Variants in FRMPD2 observed in about 807,000 individuals in gnomAD.
FRMPD2 encodes FERM and PDZ domain-containing protein 2.
FRMPD2 carries 96 observed loss-of-function variants against 140.1 expected under a neutral mutation model. That is an observed-to-expected ratio of 0.69 (90% CI 0.58 to 0.81). FRMPD2 has a LOEUF of 0.81. Ranked by LOEUF, FRMPD2 falls within the 40% of genes least tolerant of loss-of-function variation. FRMPD2 has a pLI of 0.00. For missense variants in FRMPD2, 1,240 were observed against 1,447.4 expected, an observed-to-expected ratio of 0.86 and a Z score of 2.32; for synonymous variants, 449 against 547.6, an observed-to-expected ratio of 0.82 and a Z score of 2.52.
rs776093995 is a variant in FRMPD2, at chr10:48,192,806, G to C, written c.2043C>G (p.Cys681Trp). The C allele has an allele frequency of 1.1e-5, 17 of 1,614,124 alleles. 1 individual carries two copies. In the South Asian group the frequency reaches 1.8e-4, roughly 17 times the overall value. The change falls in exon 16 of 29, where the codon TGC becomes TGG. Residue 681 changes from cysteine to tryptophan, a missense_variant. Around this residue, in one of 6 missense-constraint regions of FRMPD2, gnomAD observed 1,161 missense variants for 1,055.9 expected, o/e 1.10. Coordinates refer to ENST00000374201, the MANE Select transcript of FRMPD2 (RefSeq NM_001018071.4). ...TGGATACAAACAACTCGTTTTCTGA[G>C]CATGACAATCTCTGAATCCAAATGA... ...KPLIWIQRLS[C>W]SENELFVSRL...
At chr10:48,193,223 C>T (rs1399810847) in intron 15 of FRMPD2, among the ~76,000 whole-genome samples, 3 of 152,184 alleles carry the variant, frequency 2.0e-5, no homozygotes, top group South Asian at 4.1e-4. Flanking sequence ...GAGCCTCCTG[C>T]GAAATCAGCT....
intron 1 of FRMPD2, among the ~76,000 whole-genome samples, chr10:48,254,454 C>G (rs1840450517): frequency 6.6e-6 from 1 of 152,250 alleles, no homozygotes; most frequent in Non-Finnish European, 1.5e-5. Context: ...GCTTACCACC[C>G]TCACCGTGTT....
At chr10:48,248,147 T>C (rs1203355294) in intron 3 of FRMPD2, among the ~76,000 whole-genome samples, 2 of 152,168 alleles carry the variant, frequency 1.3e-5, no homozygotes, top group African/African-American at 2.4e-5. Flanking sequence ...TCTGCACTTT[T>C]CTCATGAAAG....
chr10:48,188,313 G>T (rs766590394), intron 16 of FRMPD2, among the ~76,000 whole-genome samples: 24 of 152,220 alleles, frequency 1.6e-4, no homozygotes, highest in Non-Finnish European at 3.2e-4. Flanking sequence ...TGTGCAAAGA[G>T]GCTGCAGCCA....
chr10:48,195,971 C>T (rs1451461608), intron 15 of FRMPD2, among the ~76,000 whole-genome samples: 1 of 152,166 alleles, frequency 6.6e-6, no homozygotes, highest in Non-Finnish European at 1.5e-5. Flanking sequence ...GTGGTCCATC[C>T]ACCTAGGAAG....
At chr10:48,225,499 G>GA (rs1174484640) in intron 10 of FRMPD2, among the ~76,000 whole-genome samples, 31 of 152,026 alleles carry the variant, frequency 2.0e-4, no homozygotes, top group Admixed American at 2.0e-3. Context: ...TAAGCCCCTA[G>GA]AAAAAAATCA....
intron 10 of FRMPD2, among the ~76,000 whole-genome samples, chr10:48,231,102 A>G (rs1184799248): frequency 6.6e-6 from 1 of 152,236 alleles, no homozygotes; most frequent in Non-Finnish European, 1.5e-5. Context: ...CAACCAGGAA[A>G]GGTCCATCCC....
chr10:48,273,641 A>C (rs1302405007), intron 1 of FRMPD2, among the ~76,000 whole-genome samples: 1 of 152,014 alleles, frequency 6.6e-6, no homozygotes, highest in Non-Finnish European at 1.5e-5. Flanking sequence ...GGCACTTGCT[A>C]TCACCGCCAG....
chr10:48,215,186 T>A (rs927764659), intron 12 of FRMPD2, among the ~76,000 whole-genome samples: 9 of 152,188 alleles, frequency 5.9e-5, no homozygotes, highest in African/African-American at 2.2e-4. Flanking sequence ...ACCAGAACCA[T>A]TTATCAAACA....
At chr10:48,180,339 A>C (rs1217830933) in intron 21 of FRMPD2, among the ~76,000 whole-genome samples, 5 of 152,138 alleles carry the variant, frequency 3.3e-5, no homozygotes, top group Admixed American at 6.5e-5. Context: ...GGACTGAAGC[A>C]CACAGCCCTC....
At chr10:48,237,863 C>T in intron 8 of FRMPD2, 128 bp downstream of exon 8, 1 of 1,143,198 alleles carries the variant, frequency 8.7e-7, no homozygotes, top group Non-Finnish European at 1.3e-6. Context: ...TTAGTCCAAT[C>T]CTATAAACCT....
chr10:48,254,282 G>T (rs1840446700), intron 1 of FRMPD2, among the ~76,000 whole-genome samples: 1 of 152,220 alleles, frequency 6.6e-6, no homozygotes, highest in Non-Finnish European at 1.5e-5. Context: ...CTGGCCTCAG[G>T]ACTACAGTGT....
chr10:48,189,934 G>A (rs367553475), intron 16 of FRMPD2, among the ~76,000 whole-genome samples: 3 of 152,146 alleles, frequency 2.0e-5, no homozygotes, highest in Non-Finnish European at 2.9e-5. Flanking sequence ...CCACCCAGTG[G>A]GGAGGGATGA....
At chr10:48,159,197 G>A (rs1340220094) in intron 28 of FRMPD2, 9 of 456,074 alleles carry the variant, frequency 2.0e-5, no homozygotes, top group Non-Finnish European at 3.5e-5. Flanking sequence ...CTCTGCTCCT[G>A]ACAACTGCAT....
At chr10:48,194,928 C>T (rs773751983) in intron 15 of FRMPD2, among the ~76,000 whole-genome samples, 5 of 152,138 alleles carry the variant, frequency 3.3e-5, no homozygotes, top group Admixed American at 6.5e-5. Context: ...AGCATTGCCA[C>T]GAATGTCCCA....
intron 7 of FRMPD2, among the ~76,000 whole-genome samples, 178 bp downstream of exon 7, chr10:48,239,427 T>C (rs117277157): frequency 2.6e-5 from 4 of 152,326 alleles, no homozygotes; most frequent in Non-Finnish European, 4.4e-5. Flanking sequence ...GGCCCCTCAT[T>C]ATCTTGGCTT....
At position 48,232,106 on chromosome 10, in the gene FRMPD2, G is replaced by A. The variant is rs138354175; in HGVS notation, c.1168+9C>T. 234 of 1,614,054 alleles carry A rather than the reference G, an allele frequency of 1.4e-4. No homozygotes were observed. In the African/African-American group the frequency reaches 2.9e-3, roughly 20 times the overall value. On this transcript the variant is annotated intron_variant, in intron 10 of 28. Coordinates refer to ENST00000374201, the MANE Select transcript of FRMPD2 (RefSeq NM_001018071.4). ...CAGGCCAGCTGTGAGCTGCCCAAGA[G>A]ATGCTTACTTTTCATATACGCCAAG...
intron 16 of FRMPD2, among the ~76,000 whole-genome samples, chr10:48,191,636 G>A (rs1205074541): frequency 6.6e-6 from 1 of 152,072 alleles, no homozygotes; most frequent in Non-Finnish European, 1.5e-5. Context: ...CAGTTCAAAT[G>A]AATCATCCAT....
At chr10:48,262,408 A>G (rs377731701) in intron 1 of FRMPD2, among the ~76,000 whole-genome samples, 1 of 152,364 alleles carries the variant, frequency 6.6e-6, no homozygotes. Flanking sequence ...AAGGGGTATT[A>G]CATAATGATA....
Sources: gnomAD v4.1 joint callset for allele counts (sites outside exome capture counted in the v4.1 genomes callset) on GRCh38, gnomAD v4.1.1 for gene constraint, gnomAD v4.1.1 regional missense constraint, MANE v1.5 for transcripts, NCBI Gene and HGNC (gene_info 2026-07-23, HGNC 2026-07-21) for gene names.